The following ZFYVE9 variants were observed in gnomAD, a reference collection of about 807,000 sequenced individuals.
The protein encoded by ZFYVE9 is zinc finger FYVE domain-containing protein 9.
A neutral mutation model predicts 126.7 loss-of-function variants in ZFYVE9; 43 were observed. The ratio of observed to expected loss-of-function variants is 0.34; its 90% CI spans 0.27 to 0.44. The LOEUF is 0.44. Among genes scored for constraint, ZFYVE9 ranks in the 20% least tolerant of loss-of-function variants. ZFYVE9 has a pLI of 1.00. For missense variants in ZFYVE9, 1,476 were observed against 1,697.0 expected (o/e 0.87, Z 2.29); for synonymous variants, 521 against 597.4 (o/e 0.87, Z 1.87).
chr1:52,329,087 A>G (rs1323894716), intron 13 of ZFYVE9, among the ~76,000 whole-genome samples: 1 of 152,232 alleles, frequency 6.6e-6, no homozygotes, highest in Non-Finnish European at 1.5e-5. Context: ...AAGATGTTCC[A>G]TGGATTAGAA....
intron 14 of ZFYVE9, among the ~76,000 whole-genome samples, chr1:52,333,288 T>C (rs1159262926): frequency 1.4e-5 from 2 of 139,994 alleles, no homozygotes; most frequent in African/African-American, 5.8e-5. Context: ...AGTATAATAA[T>C]TAAAAAAAAA....
At chr1:52,191,325 C>A (rs1369257110) in intron 1 of ZFYVE9, among the ~76,000 whole-genome samples, 1 of 152,110 alleles carries the variant, frequency 6.6e-6, no homozygotes, top group Non-Finnish European at 1.5e-5. Flanking sequence ...GGAATTGAAA[C>A]CCAGAGCCCA....
In ZFYVE9 at chr1:52,274,449, A is replaced by T. The variant is rs768394002; in HGVS notation, c.2626-15A>T. 6.3e-7 allele frequency: 1 copy of T among 1,594,044 alleles called. No homozygotes were observed. The highest frequency in any genetic ancestry group is 1.7e-5 in the Admixed American group (1 of 59,562). On this transcript the variant is annotated splice_polypyrimidine_tract_variant and intron_variant, in intron 7 of 18. Coordinates refer to ENST00000287727, the MANE Select transcript of ZFYVE9 (RefSeq NM_004799.4). ...ATTCTCTGTAGTGCTCACTTTGTTG[A>T]TTTGCTTTTCCTAGACGGATATTTG... is the stretch of plus-strand genomic sequence containing the variant.
intron 1 of ZFYVE9, chr1:52,180,088 C>T (rs566185170): frequency 1.1e-6 from 1 of 893,410 alleles, no homozygotes; most frequent in Admixed American, 1.7e-5. Flanking sequence ...TGGAAAGCAA[C>T]TAAATTGAAG....
chr1:52,253,769 T>G, intron 4 of ZFYVE9: 3 of 1,607,686 alleles, frequency 1.9e-6, no homozygotes, highest in Non-Finnish European at 2.6e-6. Context: ...GATGACAATC[T>G]AGAAACTTAT....
chr1:52,182,163 G>A (rs577199177), intron 1 of ZFYVE9, among the ~76,000 whole-genome samples: 129 of 151,280 alleles, frequency 8.5e-4, no homozygotes, highest in African/African-American at 2.9e-3. Context: ...CTGCCCCATC[G>A]GGGAGGTGAG....
chr1:52,168,214 CTTTTTTTTTTTT>C (rs139943554), intron 1 of ZFYVE9, among the ~76,000 whole-genome samples: 2 of 114,986 alleles, frequency 1.7e-5, no homozygotes, highest in Non-Finnish European at 3.5e-5. Context: ...TCTTCGTCTT[CTTTTTTTTTTTT>C]TTTTTTTTTT....
At chr1:52,340,509 A>G (rs749907351) in intron 17 of ZFYVE9, among the ~76,000 whole-genome samples, 1 of 152,202 alleles carries the variant, frequency 6.6e-6, no homozygotes, top group African/African-American at 2.4e-5. Context: ...GGTACATTCC[A>G]TCTTTGCTGT....
At chr1:52,271,482 G>A (rs1467162596) in intron 7 of ZFYVE9, among the ~76,000 whole-genome samples, 1 of 152,102 alleles carries the variant, frequency 6.6e-6, no homozygotes, top group African/African-American at 2.4e-5. Context: ...CTGCAGGTTT[G>A]TTACATAGGT....
At chr1:52,321,412 T>C (rs1206655971) in intron 13 of ZFYVE9, among the ~76,000 whole-genome samples, 1 of 152,178 alleles carries the variant, frequency 6.6e-6, no homozygotes, top group Non-Finnish European at 1.5e-5. Flanking sequence ...TGGAGAATAG[T>C]GCAGAGGAGA....
intron 2 of ZFYVE9, among the ~76,000 whole-genome samples, chr1:52,217,632 A>G (rs1447218787): frequency 1.3e-5 from 2 of 152,184 alleles, no homozygotes; most frequent in African/African-American, 4.8e-5. Context: ...ATCTTTAACA[A>G]TTGCAAGGGA....
chr1:52,172,012 C>A (rs1644576418), intron 1 of ZFYVE9, among the ~76,000 whole-genome samples: 1 of 151,962 alleles, frequency 6.6e-6, no homozygotes, highest in Admixed American at 6.6e-5. Context: ...TAATGAGATC[C>A]CATTTGTCAA....
intron 10 of ZFYVE9, 118 bp downstream of exon 10, chr1:52,281,934 A>T (rs1645809580): frequency 1.8e-6 from 2 of 1,121,738 alleles, no homozygotes; most frequent in Non-Finnish European, 2.6e-6. Flanking sequence ...CTTTGATATT[A>T]GTGGCAAGTT....
chr1:52,161,278 G>C (rs1419295336), intron 1 of ZFYVE9, among the ~76,000 whole-genome samples: 2 of 151,972 alleles, frequency 1.3e-5, no homozygotes, highest in Admixed American at 1.3e-4. Context: ...TTTAAGTTTT[G>C]ACAGATGTAT....
In ZFYVE9 at chr1:52,314,335, C is replaced by T. The variant is rs1470613757; in HGVS notation, c.3438+10410C>T. 2.0e-5 allele frequency among the ~76,000 whole-genome samples: 3 copies of T among 152,088 alleles called. No individual in the cohort carries two copies. In the East Asian group the frequency reaches 5.8e-4, roughly 29 times the overall value. On this transcript the variant is annotated intron_variant, in intron 13 of 18. Coordinates refer to ENST00000287727, the MANE Select transcript of ZFYVE9 (RefSeq NM_004799.4). ...ACAGTGCAGCAAAATCTTTAAAATGCTGAAAAGAAAAACTGTCATCCTATA... is the reference window on the plus strand; with the variant it reads ...ACAGTGCAGCAAAATCTTTAAAATGTTGAAAAGAAAAACTGTCATCCTATA...
In ZFYVE9 at chr1:52,238,225, A is replaced by G; in HGVS notation, c.808A>G (p.Ile270Val). ...TACAAGTTTAACGGTTGATTCAGTA[A>G]TCTCATCCCAGGGAACAGATGGATG... ...AITSLTVDSV[I>V]SSQGTDGCPA... The change falls in exon 4 of 19, where the codon ATC (isoleucine) becomes GTC (valine). Residue 270 changes from isoleucine (I) to valine (V), a missense_variant. By Grantham distance (29) the Ile-to-Val change is conservative. Around this residue, in one of 2 missense-constraint regions of ZFYVE9, gnomAD observed 807 missense variants for 794.6 expected, o/e 1.02. Transcript: ENST00000287727. 1 of 1,614,086 alleles carries G rather than the reference A, an allele frequency of 6.2e-7. No homozygotes were observed. Among genetic ancestry groups the G allele is most frequent in the East Asian group, 2.2e-5 (1 of 44,878 alleles).
At chr1:52,155,472 G>A (rs1209126505) in intron 1 of ZFYVE9, among the ~76,000 whole-genome samples, 1 of 152,072 alleles carries the variant, frequency 6.6e-6, no homozygotes, top group East Asian at 1.9e-4. Context: ...CTGACCTCGT[G>A]GTCCACCCGC....
chr1:52,259,545 T>C (rs1645557769), intron 4 of ZFYVE9, among the ~76,000 whole-genome samples: 1 of 151,500 alleles, frequency 6.6e-6, no homozygotes, highest in Non-Finnish European at 1.5e-5. Context: ...CCCAGCACTT[T>C]GGGAGGCCCA....
chr1:52,170,939 T>G (rs190147689), intron 1 of ZFYVE9, among the ~76,000 whole-genome samples: 6 of 152,124 alleles, frequency 3.9e-5, no homozygotes, highest in East Asian at 3.9e-4. Flanking sequence ...AGTTATTGGA[T>G]GAAATGTCCT....
Sources: gnomAD v4.1 joint callset for allele counts (sites outside exome capture counted in the v4.1 genomes callset) on GRCh38, gnomAD v4.1.1 for gene constraint, gnomAD v4.1.1 regional missense constraint, MANE v1.5 for transcripts, NCBI Gene and HGNC (gene_info 2026-07-23, HGNC 2026-07-21) for gene names.